Variants in CLTRN observed in about 807,000 individuals in gnomAD.
CLTRN encodes collectrin, amino acid transport regulator.
In CLTRN, 12 loss-of-function variants were observed where a neutral mutation model predicts 14.5. The ratio of observed to expected loss-of-function variants is 0.83; its 90% CI spans 0.53 to 1.34. The LOEUF is 1.34. Among genes scored for constraint, CLTRN ranks in the 40% most tolerant of loss-of-function variants. The pLI, the probability that CLTRN is intolerant of heterozygous loss-of-function variation, is 0.00. For missense variants in CLTRN, 154 were observed against 165.1 expected, an observed-to-expected ratio of 0.93 and a Z score of 0.37; for synonymous variants, 58 against 56.5, an observed-to-expected ratio of 1.03 and a Z score of -0.12.
Position 15,646,553 on chromosome X carries a change from C to T in CLTRN, c.204-1524G>A, listed in dbSNP as rs948504286. The T allele has an allele frequency of 6.2e-5, 21 of 339,929 alleles. 1 individual carries two copies. Among genetic ancestry groups the T allele is most frequent in the South Asian group, 4.7e-4 (18 of 38,402 alleles). The allele number at this position is 339,929 out of a possible 1,213,427, so 28.0% of individuals were successfully genotyped here. A position where few individuals can be genotyped will look rare whatever the true frequency, so the allele number is the denominator to read the frequency against. On this transcript the variant is annotated intron_variant, in intron 3 of 5. Coordinates refer to ENST00000380342, the MANE Select transcript of CLTRN (RefSeq NM_020665.6). The stretch of plus-strand genomic sequence containing the variant: ...AGGTCCAGGAGAACTGCAAGGTCAC[C>T]TACTTCCACGGGAAGCGCTGGGTCT...
chrX:15,675,375 G>A (rs1022726461), upstream of CLTRN, among the ~76,000 whole-genome samples: 4 of 111,461 alleles, frequency 3.6e-5, no homozygotes, highest in African/African-American at 9.8e-5. Context: ...GGCGCGAAAA[G>A]GGAAGTAGGG....
At chrX:15,675,425 G>GGGGGCGCGGTCCTTACGT (rs1929822085), upstream of CLTRN, 1 of 103,283 alleles carries the variant, frequency 9.7e-6, no homozygotes, top group South Asian at 4.2e-4. Flanking sequence ...CCTCGAACGT[G>GGGGGCGCGGTCCTTACGT]GGGGGCGCGG....
chrX:15,650,411 T>C (rs1475829553), intron 3 of CLTRN, among the ~76,000 whole-genome samples: 2 of 111,658 alleles, frequency 1.8e-5, no homozygotes, highest in African/African-American at 6.5e-5. Context: ...ATTTAAAAAA[T>C]TTGTTTGAAA....
At chrX:15,647,586 A>G (rs1929118098) in intron 3 of CLTRN, among the ~76,000 whole-genome samples, 1 of 83,608 alleles carries the variant, frequency 1.2e-5, no homozygotes, top group Non-Finnish European at 2.4e-5. Flanking sequence ...TGTCTTGTGC[A>G]TTGCAGGGCC....
chrX:15,629,798 G>T (rs1425594877), intron 5 of CLTRN, among the ~76,000 whole-genome samples: 1 of 111,485 alleles, frequency 9.0e-6, no homozygotes, highest in Non-Finnish European at 1.9e-5. Context: ...CTTGTATTTT[G>T]CTAAAAGAGA....
upstream of CLTRN, among the ~76,000 whole-genome samples, chrX:15,665,832 C>T (rs761598950): frequency 1.6e-4 from 18 of 112,052 alleles, no homozygotes; most frequent in South Asian, 4.1e-3. Flanking sequence ...TCATCTCATA[C>T]GGGAGGGAAC....
intron 2 of CLTRN, among the ~76,000 whole-genome samples, chrX:15,662,041 T>A (rs1929520191): frequency 9.0e-6 from 1 of 111,185 alleles, no homozygotes; most frequent in Non-Finnish European, 1.9e-5. Context: ...CAGGGTTAGT[T>A]GGTTTAACTC....
upstream of CLTRN, chrX:15,675,039 G>C (rs1317652207): frequency 8.9e-6 from 1 of 112,843 alleles, no homozygotes; most frequent in Non-Finnish European, 1.9e-5. Context: ...GCCACGGTGG[G>C]AACGGCCACG....
At chrX:15,632,866 A>G (rs1928731811) in intron 5 of CLTRN, among the ~76,000 whole-genome samples, 2 of 92,174 alleles carry the variant, frequency 2.2e-5, no homozygotes, top group Non-Finnish European at 4.3e-5. Context: ...CCTGGGTGAC[A>G]GAGCAAGACT....
chrX:15,646,462 A>ACCCCCCCCCCC, intron 3 of CLTRN: 3 of 170,835 alleles, frequency 1.8e-5, no homozygotes, highest in Non-Finnish European at 1.2e-5. Context: ...CCGCGCACCC[A>ACCCCCCCCCCC]CCCCCCCGCC....
chrX:15,641,407 A>C (rs1928936984), intron 4 of CLTRN, among the ~76,000 whole-genome samples: 1 of 112,293 alleles, frequency 8.9e-6, no homozygotes, highest in African/African-American at 3.2e-5. Context: ...CACTAAAATA[A>C]ACAGATGAAA....
At chrX:15,645,710 C>A (rs910127164) in intron 3 of CLTRN, among the ~76,000 whole-genome samples, 7 of 112,082 alleles carry the variant, frequency 6.2e-5, no homozygotes, top group Non-Finnish European at 1.1e-4. Context: ...CTCTGTATTA[C>A]AAGTGAAAGG....
chrX:15,634,884 GTAAC>G (rs1928780663), intron 5 of CLTRN, among the ~76,000 whole-genome samples: 1 of 107,002 alleles, frequency 9.3e-6, no homozygotes, highest in African/African-American at 3.4e-5. Context: ...GTATACATAT[GTAAC>G]TAACCTGCAC....
intron 1 of CLTRN, among the ~76,000 whole-genome samples, chrX:15,670,719 A>G (rs1183113734): frequency 1.8e-5 from 2 of 111,254 alleles, no homozygotes; most frequent in Non-Finnish European, 3.8e-5. Context: ...CATGAATGGC[A>G]GATGAGAGGA....
At position 15,652,313 on chromosome X, in the gene CLTRN, T is replaced by C. The variant is rs1459157205; in HGVS notation, c.203+6703A>G. Among the ~76,000 whole-genome samples, 3 of 111,952 alleles carry C rather than the reference T, an allele frequency of 2.7e-5. No individual in the cohort carries two copies. The East Asian group carries it at 8.3e-4, about 31-fold the overall frequency. ...TGCCATTAGCACAACTAAATAAAAATCCTACATTTTCAAGATTTTAAATAT... is the reference window on the plus strand; with the variant it reads ...TGCCATTAGCACAACTAAATAAAAACCCTACATTTTCAAGATTTTAAATAT... On this transcript the variant is annotated intron_variant, in intron 3 of 5. Coordinates refer to ENST00000380342, the MANE Select transcript of CLTRN (RefSeq NM_020665.6).
At chrX:15,629,242 TG>T (rs781706053) in intron 5 of CLTRN, among the ~76,000 whole-genome samples, 7 of 110,824 alleles carry the variant, frequency 6.3e-5, no homozygotes, top group Non-Finnish European at 1.3e-4. Context: ...GGCACTGCAG[TG>T]GTGACCAGGT....
At chrX:15,673,117 T>G (rs1929748045) in intron 1 of CLTRN, among the ~76,000 whole-genome samples, 1 of 112,722 alleles carries the variant, frequency 8.9e-6, no homozygotes, top group African/African-American at 3.2e-5. Flanking sequence ...GTCATCATGA[T>G]GAGGAACTGG....
At position 15,627,961 on chromosome X, in the gene CLTRN, C is replaced by T; in HGVS notation, c.*10G>A. ...TGTTTAATTTCTTGAGGAAGCAGAACAACAGCCCTTCAGAGAGGGGTGAGC... is the reference window on the plus strand; with the variant it reads ...TGTTTAATTTCTTGAGGAAGCAGAATAACAGCCCTTCAGAGAGGGGTGAGC... On this transcript the variant is annotated 3_prime_UTR_variant, in exon 6 of 6. Transcript: ENST00000380342. The T allele has an allele frequency of 9.9e-7, 1 of 1,010,621 alleles. No individual in the cohort carries two copies. Among genetic ancestry groups the T allele is most frequent in the Non-Finnish European group, 1.3e-6 (1 of 785,998 alleles). 83.3% of individuals were successfully genotyped at this position (1,010,621 alleles called of 1,213,427 possible).
chrX:15,650,461 C>T (rs964731706), intron 3 of CLTRN, among the ~76,000 whole-genome samples: 2 of 111,706 alleles, frequency 1.8e-5, no homozygotes, highest in South Asian at 3.7e-4. Flanking sequence ...CTGGTACCCA[C>T]CAGCATAAGG....
Sources: allele counts gnomAD v4.1 joint callset (sites outside exome capture counted in the v4.1 genomes callset), GRCh38; gene constraint gnomAD v4.1.1; transcripts MANE v1.5; gene names NCBI Gene and HGNC (gene_info 2026-07-23, HGNC 2026-07-21).